The following ADRA1A variants were observed in gnomAD, a reference collection of about 807,000 sequenced individuals.
The protein encoded by ADRA1A is alpha-1A adrenergic receptor.
Under a neutral mutation model 29.6 loss-of-function variants are expected in ADRA1A, and 31 were observed. That is an observed-to-expected ratio of 1.05 (90% confidence interval 0.79 to 1.41). The LOEUF (loss-of-function observed/expected upper bound fraction) is 1.41, where lower values mean the gene tolerates loss of function less well. ADRA1A is among the 40% of genes most tolerant of loss of function. The pLI is 0.00. For synonymous variants in ADRA1A, 311 were observed against 254.3 expected, an observed-to-expected ratio of 1.22 and a Z score of -2.12; for missense variants, 619 against 601.1, an observed-to-expected ratio of 1.03 and a Z score of -0.31.
At chr8:26,798,844 C>T (rs914324365) in intron 2 of ADRA1A, among the ~76,000 whole-genome samples, 6 of 152,220 alleles carry the variant, frequency 3.9e-5, no homozygotes, top group Admixed American at 2.0e-4. Context: ...TGTGCTCCCA[C>T]GAGTACTACC....
At chr8:26,750,560 A>G (rs1209810455) in intron 2 of ADRA1A, among the ~76,000 whole-genome samples, 5 of 152,160 alleles carry the variant, frequency 3.3e-5, no homozygotes, top group African/African-American at 1.2e-4. Flanking sequence ...TCATGACCTA[A>G]TTACTTCCCA....
chr8:26,814,139 G>GT lies in ADRA1A; in HGVS notation c.884-43474dup, dbSNP rs1178948688. ...GAGGGTGCTTATTTATTTTTATAAA[G>GT]TTTTTTTCTTAGCTTTAAAGGAGTG... is the stretch of plus-strand genomic sequence containing the variant. On this transcript the variant is annotated intron_variant, in intron 2 of 2. Coordinates refer to ENST00000380573, the MANE Select transcript of ADRA1A (RefSeq NM_000680.4). Among the ~76,000 whole-genome samples the GT allele has an allele frequency of 2.0e-5, 3 of 151,806 alleles. No individual in the cohort carries two copies. The East Asian group carries it at 5.8e-4, about 29-fold the overall frequency.
At chr8:26,779,172 T>G in intron 2 of ADRA1A, 1 of 612,860 alleles carries the variant, frequency 1.6e-6, no homozygotes. Flanking sequence ...GAGACCAGGT[T>G]ATCTCTCTCA....
chr8:26,776,524 C>T (rs987339469), intron 2 of ADRA1A, among the ~76,000 whole-genome samples: 5 of 152,164 alleles, frequency 3.3e-5, no homozygotes, highest in South Asian at 2.1e-4. Context: ...AGGCTGAAGA[C>T]GCGAGTAGTT....
rs1209335222 is a variant in ADRA1A, at chr8:26,825,056, T to C, written c.883+39031A>G. On this transcript the variant is annotated intron_variant, in intron 2 of 2. Transcript: ENST00000380573. The surrounding 1 kb of genome is among the most constrained non-coding windows in gnomAD (Gnocchi z 5.7). ...GAATTGAGTTACCAGTGGAGCAACA[T>C]GCCAGCTTCCTTCTGACAGCGTTTG... Among the ~76,000 whole-genome samples, 1 of 152,154 alleles carries C rather than the reference T, an allele frequency of 6.6e-6. No individual in the cohort carries two copies. Among genetic ancestry groups the C allele is most frequent in the Non-Finnish European group, 1.5e-5 (1 of 68,036 alleles).
At chr8:26,839,716 A>G (rs1385404749) in intron 2 of ADRA1A, among the ~76,000 whole-genome samples, 1 of 152,198 alleles carries the variant, frequency 6.6e-6, no homozygotes, top group Non-Finnish European at 1.5e-5. Flanking sequence ...AAGAAATGGA[A>G]GTAATTTGGC....
intron 2 of ADRA1A, among the ~76,000 whole-genome samples, chr8:26,857,151 C>G (rs929203419): frequency 1.3e-5 from 2 of 152,120 alleles, no homozygotes; most frequent in African/African-American, 2.4e-5. Flanking sequence ...CAGTTTCTGC[C>G]TTGACTTTCT....
Position 26,865,053 on chromosome 8 carries a change from A to G in ADRA1A, c.-84T>C. The G allele has an allele frequency of 6.6e-7, 1 of 1,517,084 alleles. No homozygotes were observed. Among genetic ancestry groups the G allele is most frequent in the Non-Finnish European group, 8.8e-7 (1 of 1,142,364 alleles). 94.0% of individuals were successfully genotyped at this position (1,517,084 alleles called of 1,614,324 possible). A position where few individuals can be genotyped will look rare whatever the true frequency, so the allele number is the denominator to read the frequency against. On this transcript the variant is annotated 5_prime_UTR_variant, in exon 2 of 3. Transcript: ENST00000380573. The surrounding 1 kb of genome is among the most constrained non-coding windows in gnomAD (Gnocchi z 7.6). ...GGAGGCGGGAGCGCGGGAGCCGGGA[A>G]TCAAAAGGTCTCGGCTGGAGGGAGC...
rs201210804 is a variant in ADRA1A at position 26,864,052 on chromosome 8, C to T, written c.883+35G>A. 159 of 1,580,714 alleles carry T rather than the reference C, an allele frequency of 1.0e-4. No individual in the cohort carries two copies. Among genetic ancestry groups the T allele is most frequent in the Non-Finnish European group, 1.3e-4 (149 of 1,164,500 alleles). ...ACAGAAGCCGAGGAGGGTGAAGACC[C>T]CCAGATGCTAAAGTGAGGGGTGTTC... On this transcript the variant is annotated intron_variant, in intron 2 of 2. Transcript: ENST00000380573. This position sits in a 1 kb window ranked among gnomAD's most constrained non-coding sequence, Gnocchi z 8.1.
intron 2 of ADRA1A, among the ~76,000 whole-genome samples, chr8:26,782,409 A>G (rs1056527448): frequency 2.0e-5 from 3 of 152,210 alleles, no homozygotes; most frequent in African/African-American, 7.2e-5. Flanking sequence ...GGGCAGACCA[A>G]ATTTTAACAC....
At chr8:26,812,733 C>T (rs994988438) in intron 2 of ADRA1A, among the ~76,000 whole-genome samples, 3 of 151,614 alleles carry the variant, frequency 2.0e-5, no homozygotes, top group Admixed American at 6.6e-5. Context: ...GGCGCGGTCT[C>T]GGCTCACTGC....
intron 2 of ADRA1A, among the ~76,000 whole-genome samples, chr8:26,861,227 C>T (rs992962504): frequency 3.3e-5 from 5 of 152,008 alleles, no homozygotes; most frequent in African/African-American, 1.2e-4. Flanking sequence ...GATTTTTCTT[C>T]TCCCTGGCTA....
intron 2 of ADRA1A, among the ~76,000 whole-genome samples, chr8:26,824,773 A>C (rs1810428736): frequency 6.6e-6 from 1 of 152,240 alleles, no homozygotes; most frequent in South Asian, 2.1e-4. Flanking sequence ...CAATTACCAT[A>C]GCATCATTTC....
At chr8:26,771,056 G>A (rs992923265) in intron 2 of ADRA1A, among the ~76,000 whole-genome samples, 22 of 152,256 alleles carry the variant, frequency 1.4e-4, no homozygotes, top group African/African-American at 3.6e-4. Flanking sequence ...ATTAAAATTC[G>A]GTTATCTGAA....
At chr8:26,777,290 C>G (rs1014389495) in intron 2 of ADRA1A, among the ~76,000 whole-genome samples, 24 of 152,184 alleles carry the variant, frequency 1.6e-4, no homozygotes, top group Admixed American at 7.9e-4. Context: ...CTCAGGTTCA[C>G]AGACAGACTT....
intron 2 of ADRA1A, among the ~76,000 whole-genome samples, chr8:26,818,532 C>G (rs187227257): frequency 2.0e-5 from 3 of 152,056 alleles, no homozygotes; most frequent in African/African-American, 4.8e-5. Flanking sequence ...GATGGCTTAA[C>G]TATCTCAAAG....
At chr8:26,824,162 T>A (rs1367880170) in intron 2 of ADRA1A, among the ~76,000 whole-genome samples, 2 of 152,024 alleles carry the variant, frequency 1.3e-5, no homozygotes, top group Non-Finnish European at 2.9e-5. Flanking sequence ...TATATAATAT[T>A]TTTCCATCTG....
At chr8:26,824,630 A>G (rs551485536) in intron 2 of ADRA1A, among the ~76,000 whole-genome samples, 11 of 152,274 alleles carry the variant, frequency 7.2e-5, no homozygotes, top group African/African-American at 2.6e-4. Flanking sequence ...TTTTTGCTCA[A>G]TGCCAGCATG....
chr8:26,755,961 CT>C (rs957019636), downstream of ADRA1A, among the ~76,000 whole-genome samples: 11 of 151,992 alleles, frequency 7.2e-5, no homozygotes, highest in South Asian at 2.1e-4. Context: ...ATGTGCCTAA[CT>C]TTTTTTTTCT....
Sources: allele counts gnomAD v4.1 joint callset (sites outside exome capture counted in the v4.1 genomes callset), GRCh38; gene constraint gnomAD v4.1.1; non-coding constraint Gnocchi (gnomAD v3.1); transcripts MANE v1.5; gene names NCBI Gene and HGNC (gene_info 2026-07-23, HGNC 2026-07-21).